IPPK: variants seen among roughly 807,000 people sequenced by gnomAD.
IPPK encodes IPK1 homolog.
A neutral mutation model predicts 64.6 loss-of-function variants in IPPK; 22 were observed. The ratio of observed to expected loss-of-function variants is 0.34; its 90% CI spans 0.24 to 0.49. IPPK has a LOEUF of 0.49. Among genes scored for constraint, IPPK ranks in the 20% least tolerant of loss-of-function variants. The pLI is 0.99. For synonymous variants in IPPK, 262 were observed against 247.2 expected (o/e 1.06, Z -0.56); for missense variants, 532 against 630.7 (o/e 0.84, Z 1.68).
chr9:92,653,754 CAGG>C (rs1388373367), intron 3 of IPPK, among the ~76,000 whole-genome samples: 4 of 152,206 alleles, frequency 2.6e-5, no homozygotes, highest in Non-Finnish European at 4.4e-5. Flanking sequence ...GAAGCTGAGG[CAGG>C]AGAATTGCTT....
chr9:92,629,707 C>CA lies in IPPK; in HGVS notation c.1170+4678dup, dbSNP rs201735483. Among the ~76,000 whole-genome samples, 303 of 94,546 alleles carry CA rather than the reference C, an allele frequency of 3.2e-3. 2 individuals carry two copies. Among genetic ancestry groups the CA allele is most frequent in the Middle Eastern group, 6.2e-3 (1 of 162 alleles). The allele number at this position is 94,546 out of a possible 152,430, so 62.0% of individuals were successfully genotyped here. A position where few individuals can be genotyped will look rare whatever the true frequency, so the allele number is the denominator to read the frequency against. On this transcript the variant is annotated intron_variant, in intron 11 of 12. Coordinates refer to ENST00000287996, the MANE Select transcript of IPPK (RefSeq NM_022755.6). The stretch of plus-strand genomic sequence containing the variant: ...TGGGTGACAGAGAGAGATTCTATCT[C>CA]AAAAAAAAAAAAAAAAAAGTAGGCA...
intron 1 of IPPK, among the ~76,000 whole-genome samples, chr9:92,661,052 T>C (rs1482547024): frequency 6.6e-6 from 1 of 152,214 alleles, no homozygotes; most frequent in Non-Finnish European, 1.5e-5. Flanking sequence ...TTATTAATAA[T>C]TATTATTGCA....
At chr9:92,665,471 A>C (rs945799121) in intron 1 of IPPK, among the ~76,000 whole-genome samples, 3 of 152,252 alleles carry the variant, frequency 2.0e-5, no homozygotes, top group African/African-American at 7.2e-5. Flanking sequence ...TTATCTCCTT[A>C]GAACGGACTA....
chr9:92,658,514 C>T, intron 2 of IPPK, 120 bp downstream of exon 2: 1 of 864,598 alleles, frequency 1.2e-6, no homozygotes, highest in Non-Finnish European at 1.9e-6. Flanking sequence ...ACTTTCTGCA[C>T]TGAATGCTTG....
At chr9:92,647,410 A>G (rs1433027636) in intron 6 of IPPK, among the ~76,000 whole-genome samples, 1 of 152,202 alleles carries the variant, frequency 6.6e-6, no homozygotes. Context: ...TTCCTAACTC[A>G]TTCCATGAAG....
intron 5 of IPPK, among the ~76,000 whole-genome samples, chr9:92,648,354 C>T (rs536784889): frequency 3.9e-5 from 6 of 152,286 alleles, no homozygotes; most frequent in African/African-American, 1.2e-4. Flanking sequence ...GACCCACGGC[C>T]GGAACTCTCA....
At chr9:92,641,974 G>A (rs56068825) in intron 7 of IPPK, among the ~76,000 whole-genome samples, 91 of 152,336 alleles carry the variant, frequency 6.0e-4, no homozygotes, top group South Asian at 1.0e-3. Flanking sequence ...AATCTACATC[G>A]CTCTGTGGCC....
chr9:92,651,647 T>C (rs1852268745), intron 4 of IPPK, among the ~76,000 whole-genome samples: 1 of 152,236 alleles, frequency 6.6e-6, no homozygotes, highest in South Asian at 2.1e-4. Context: ...TTCCCGTTCC[T>C]AAGTCTGCCC....
At chr9:92,646,107 G>A (rs1238454928) in intron 6 of IPPK, among the ~76,000 whole-genome samples, 1 of 152,164 alleles carries the variant, frequency 6.6e-6, no homozygotes, top group Non-Finnish European at 1.5e-5. Context: ...ACAAAGGTTG[G>A]GGGAGGGAGC....
chr9:92,635,935 G>C lies in IPPK; in HGVS notation c.917-627C>G, dbSNP rs1851934597. ...GCAGGTAAGACCTGGGCTGGCGACAGGCACGAGCTCAGAACCAGCCACACA... is the reference window on the plus strand; with the variant it reads ...GCAGGTAAGACCTGGGCTGGCGACACGCACGAGCTCAGAACCAGCCACACA... On this transcript the variant is annotated intron_variant, in intron 9 of 12. Transcript: ENST00000287996. The surrounding 1 kb of genome is among the most constrained non-coding windows in gnomAD (Gnocchi z 4.4). Among the ~76,000 whole-genome samples the C allele has an allele frequency of 1.3e-5, 2 of 152,090 alleles. No individual in the cohort carries two copies. Among genetic ancestry groups the C allele is most frequent in the Non-Finnish European group, 2.9e-5 (2 of 68,012 alleles).
rs1044238242 is a variant in IPPK, at chr9:92,613,992, C to T, written c.*1840G>A. Reference sequence around the variant, plus strand: ...GAAACGCATCCACAGCAGTGGCACCCGCGGCTCAGGGGCTCCTCACAGCCC... The same window carrying T: ...GAAACGCATCCACAGCAGTGGCACCTGCGGCTCAGGGGCTCCTCACAGCCC... On this transcript the variant is annotated 3_prime_UTR_variant, in exon 13 of 13. Transcript: ENST00000287996. 2.0e-5 allele frequency: 3 copies of T among 152,260 alleles called. No individual in the cohort carries two copies. The highest frequency in any genetic ancestry group is 2.9e-5 in the Non-Finnish European group (2 of 68,094). The allele number at this position is 152,260 out of a possible 1,614,324, so 9.4% of individuals were successfully genotyped here.
rs1257760011 is a variant in IPPK at position 92,638,037 on chromosome 9, C to T, written c.880G>A (p.Glu294Lys). 5 of 1,596,522 alleles carry T rather than the reference C, an allele frequency of 3.1e-6. No individual in the cohort carries two copies. Among genetic ancestry groups the T allele is most frequent in the East Asian group, 2.3e-5 (1 of 43,944 alleles). Residue 294 changes from glutamate (E) to lysine (K), a missense_variant, in exon 9 of 13, where the codon GAA (glutamate) becomes AAA (lysine). Transcript: ENST00000287996. ...AGGCTCCTACTGAAAGGGCTGGCTTCGCAGACTCGCGGGCCCTGAGGCCCG... is the reference window on the plus strand; with the variant it reads ...AGGCTCCTACTGAAAGGGCTGGCTTTGCAGACTCGCGGGCCCTGAGGCCCG... ...GLGPQGPRVCEASPFSRSLRC... is the reference protein window; with the variant it reads ...GLGPQGPRVCKASPFSRSLRC...
rs1852028721 is a variant in IPPK, at chr9:92,640,630, C to T, written c.636+80G>A. On this transcript the variant is annotated intron_variant, in intron 8 of 12. Coordinates refer to ENST00000287996, the MANE Select transcript of IPPK (RefSeq NM_022755.6). ...AGACACACATGACGTGCAGCCCAGC[C>T]CAACACCCTCATCTGTGAGGTCACT... The T allele has an allele frequency of 6.4e-6, 6 of 943,498 alleles. No individual in the cohort carries two copies. The Admixed American group carries it at 6.8e-5, about 11-fold the overall frequency. The allele number at this position is 943,498 out of a possible 1,614,324, so 58.4% of individuals were successfully genotyped here.
intron 4 of IPPK, among the ~76,000 whole-genome samples, chr9:92,649,900 C>A (rs956596130): frequency 6.6e-6 from 1 of 151,898 alleles, no homozygotes; most frequent in African/African-American, 2.4e-5. Flanking sequence ...GTGGCACGTG[C>A]CTACAGTCCC....
At chr9:92,619,666 C>T (rs1312698854) in intron 11 of IPPK, 101 bp from the exon 12 acceptor site, 6 of 1,071,944 alleles carry the variant, frequency 5.6e-6, no homozygotes, top group Non-Finnish European at 6.9e-6. Context: ...TGCTTCCTGC[C>T]TCAGAACCTG....
At chr9:92,660,083 G>A (rs1311727023) in intron 1 of IPPK, among the ~76,000 whole-genome samples, 1 of 152,158 alleles carries the variant, frequency 6.6e-6, no homozygotes, top group Non-Finnish European at 1.5e-5. Context: ...AGGAAAGGCA[G>A]AAGTTGATCG....
chr9:92,667,853 A>G (rs1007668565), intron 1 of IPPK, among the ~76,000 whole-genome samples: 3 of 151,956 alleles, frequency 2.0e-5, no homozygotes, highest in African/African-American at 7.3e-5. Flanking sequence ...CAGTGAACCA[A>G]GATTGCGCCA....
chr9:92,636,669 T>TA (rs1265801577), intron 9 of IPPK, among the ~76,000 whole-genome samples: 1 of 151,714 alleles, frequency 6.6e-6, no homozygotes, highest in Non-Finnish European at 1.5e-5. Context: ...AAAAAAAACA[T>TA]ATATGTGATG....
intron 11 of IPPK, among the ~76,000 whole-genome samples, chr9:92,626,029 C>T (rs570242093): frequency 4.3e-4 from 65 of 151,732 alleles, no homozygotes; most frequent in African/African-American, 1.5e-3. Flanking sequence ...ATAGACAAGC[C>T]ACAAGGAACT....
Sources: gnomAD v4.1 joint callset for allele counts (sites outside exome capture counted in the v4.1 genomes callset) on GRCh38, gnomAD v4.1.1 for gene constraint, Gnocchi (gnomAD v3.1) non-coding constraint, MANE v1.5 for transcripts, NCBI Gene and HGNC (gene_info 2026-07-23, HGNC 2026-07-21) for gene names.